The following COP1 variants were observed in gnomAD, a reference collection of about 807,000 sequenced individuals.
COP1 encodes COP1 E3 ubiquitin ligase, also known as E3 ubiquitin-protein ligase COP1.
Under a neutral mutation model 101.3 loss-of-function variants are expected in COP1, and 24 were observed. The observed-to-expected ratio is 0.24, with a 90% CI of 0.17 to 0.33. The LOEUF (loss-of-function observed/expected upper bound fraction) is 0.33. Among genes scored for constraint, COP1 ranks in the 10% least tolerant of loss-of-function variants. COP1 has a pLI of 1.00. For missense variants in COP1, 663 were observed against 906.2 expected (o/e 0.73, Z 3.45); for synonymous variants, 347 against 341.9 (o/e 1.01, Z -0.17).
At chr1:176,104,372 T>C (rs900326334) in intron 9 of COP1, among the ~76,000 whole-genome samples, 6 of 151,882 alleles carry the variant, frequency 4.0e-5, no homozygotes, top group Admixed American at 1.3e-4. Context: ...AAAAATAAAA[T>C]AGGAAGAAAA....
intron 15 of COP1, among the ~76,000 whole-genome samples, chr1:175,999,701 G>A (rs1459372145): frequency 1.3e-5 from 2 of 152,006 alleles, no homozygotes. Flanking sequence ...TCTTCATAGT[G>A]GTTGTACCAA....
At chr1:176,102,823 T>C (rs1167981980) in intron 9 of COP1, among the ~76,000 whole-genome samples, 1 of 152,318 alleles carries the variant, frequency 6.6e-6, no homozygotes, top group African/African-American at 2.4e-5. Context: ...ACCACCCAGA[T>C]AGATTAACTG....
At chr1:176,002,040 T>C (rs575458003) in intron 15 of COP1, among the ~76,000 whole-genome samples, 4 of 152,116 alleles carry the variant, frequency 2.6e-5, no homozygotes, top group African/African-American at 9.7e-5. Context: ...TCTTCCCGCC[T>C]TTCAAGAGTT....
intron 18 of COP1, among the ~76,000 whole-genome samples, chr1:175,959,633 T>C (rs1257350615): frequency 1.3e-5 from 2 of 152,080 alleles, no homozygotes; most frequent in South Asian, 2.1e-4. Context: ...GGATAATAAA[T>C]AATGGATCCC....
intron 9 of COP1, among the ~76,000 whole-genome samples, chr1:176,099,053 T>G (rs1233901133): frequency 6.6e-6 from 1 of 152,192 alleles, no homozygotes; most frequent in Non-Finnish European, 1.5e-5. Flanking sequence ...ATAATTAAGG[T>G]TGTTATGTTA....
At chr1:176,176,058 A>G in intron 2 of COP1, 51 bp from the exon 3 acceptor site, 1 of 850,718 alleles carries the variant, frequency 1.2e-6, no homozygotes, top group Non-Finnish European at 2.0e-6. Context: ...TGAAAAATTA[A>G]TAAACTGGTC....
intron 8 of COP1, among the ~76,000 whole-genome samples, chr1:176,132,576 CTATATAT>C (rs1558172574): frequency 9.2e-5 from 13 of 141,068 alleles, no homozygotes; most frequent in African/African-American, 3.0e-4. Context: ...CGTATATATA[CTATATAT>C]ACACACATAT....
At chr1:176,090,266 A>G (rs1681026934) in intron 9 of COP1, among the ~76,000 whole-genome samples, 2 of 152,112 alleles carry the variant, frequency 1.3e-5, no homozygotes, top group African/African-American at 4.8e-5. Context: ...AAACTTCCTA[A>G]GTAATGACAG....
intron 5 of COP1, among the ~76,000 whole-genome samples, chr1:176,159,681 T>C (rs1213465347): frequency 6.6e-6 from 1 of 152,164 alleles, no homozygotes; most frequent in Non-Finnish European, 1.5e-5. Context: ...AACAAATAGG[T>C]ATATTTCAAA....
rs765550607 is a variant in COP1 at position 176,043,672 on chromosome 1, T to G, written c.1530+38A>C. 1.7e-5 allele frequency: 19 copies of G among 1,139,758 alleles called. No individual in the cohort carries two copies. In the East Asian group the frequency reaches 4.2e-4, roughly 25 times the overall value. 70.6% of individuals were successfully genotyped at this position (1,139,758 alleles called of 1,614,324 possible). A position where few individuals can be genotyped will look rare whatever the true frequency, so the allele number is the denominator to read the frequency against. On this transcript the variant is annotated intron_variant, in intron 13 of 19. Coordinates refer to ENST00000367669, the MANE Select transcript of COP1 (RefSeq NM_022457.7). The stretch of plus-strand genomic sequence containing the variant: ...TCTAAAAGTTTTAACAAACCAAATG[T>G]ATGATTCATATAACATGTAACTAGT...
chr1:176,057,647 C>A (rs1326044063), intron 11 of COP1, among the ~76,000 whole-genome samples: 1 of 152,158 alleles, frequency 6.6e-6, no homozygotes. Flanking sequence ...CTCAATGGTG[C>A]CCAGGCTGGA....
At chr1:176,162,353 T>C (rs1186141439) in intron 5 of COP1, among the ~76,000 whole-genome samples, 1 of 152,232 alleles carries the variant, frequency 6.6e-6, no homozygotes, top group Non-Finnish European at 1.5e-5. Context: ...ATTTTACGTC[T>C]TTAACAGTTA....
intron 9 of COP1, among the ~76,000 whole-genome samples, chr1:176,089,296 C>CAGT (rs200419927): frequency 0.09 from 8,704 of 97,116 alleles, 367 homozygotes; most frequent in Admixed American, 0.2. Flanking sequence ...CTGTCTAAAA[C>CAGT]AATAACAACA....
At chr1:176,201,951 C>A (rs1175172497) in intron 1 of COP1, among the ~76,000 whole-genome samples, 1 of 152,146 alleles carries the variant, frequency 6.6e-6, no homozygotes, top group Non-Finnish European at 1.5e-5. Flanking sequence ...ACTGAACATG[C>A]TTTTAACAGC....
intron 14 of COP1, among the ~76,000 whole-genome samples, chr1:176,030,727 G>A (rs1365103528): frequency 1.3e-5 from 2 of 152,072 alleles, no homozygotes; most frequent in Admixed American, 6.6e-5. Context: ...ATGGAAAAGC[G>A]GTATAGAGAT....
At chr1:176,041,772 C>T (rs921459763) in intron 14 of COP1, among the ~76,000 whole-genome samples, 9 of 152,034 alleles carry the variant, frequency 5.9e-5, no homozygotes, top group African/African-American at 2.2e-4. Flanking sequence ...TCGAGACCAG[C>T]CTGGCCAGCA....
chr1:176,000,744 T>C (rs1031753233), intron 15 of COP1, among the ~76,000 whole-genome samples: 4 of 152,058 alleles, frequency 2.6e-5, no homozygotes, highest in Admixed American at 6.6e-5. Flanking sequence ...TTTTTTGTTA[T>C]GTCATTTGCT....
intron 14 of COP1, among the ~76,000 whole-genome samples, chr1:176,040,830 C>T (rs2149161579): frequency 6.6e-6 from 1 of 152,212 alleles, no homozygotes; most frequent in South Asian, 2.1e-4. Flanking sequence ...AATGCTAGAG[C>T]TATCCTTGCC....
intron 3 of COP1, among the ~76,000 whole-genome samples, chr1:176,172,412 G>A (rs1163813491): frequency 6.6e-6 from 1 of 152,082 alleles, no homozygotes; most frequent in Non-Finnish European, 1.5e-5. Flanking sequence ...AAATATGCAC[G>A]GATCATCACT....
Sources: gnomAD v4.1 joint callset for allele counts (sites outside exome capture counted in the v4.1 genomes callset) on GRCh38, gnomAD v4.1.1 for gene constraint, MANE v1.5 for transcripts, NCBI Gene and HGNC (gene_info 2026-07-23, HGNC 2026-07-21) for gene names.